PAX3: variants seen among roughly 807,000 people sequenced by gnomAD.
PAX3 encodes paired box 3.
In PAX3, 14 loss-of-function variants were observed where a neutral mutation model predicts 51.6. That is an observed-to-expected ratio of 0.27 (90% CI 0.18 to 0.42). The LOEUF (loss-of-function observed/expected upper bound fraction) is 0.42. Among genes scored for constraint, PAX3 ranks in the 10% least tolerant of loss-of-function variants. PAX3 has a pLI of 1.00. For missense variants in PAX3, 540 were observed against 642.8 expected, an observed-to-expected ratio of 0.84 and a Z score of 1.73; for synonymous variants, 280 against 253.4, an observed-to-expected ratio of 1.11 and a Z score of -1.00.
intron 5 of PAX3, among the ~76,000 whole-genome samples, chr2:222,229,976 G>T (rs1045665546): frequency 6.6e-6 from 1 of 152,084 alleles, no homozygotes; most frequent in Non-Finnish European, 1.5e-5. Flanking sequence ...TTGCACCTGG[G>T]AGTTCAAGAA....
chr2:222,201,652 G>A (rs1403961372), intron 8 of PAX3: 2 of 1,346,244 alleles, frequency 1.5e-6, no homozygotes, highest in Non-Finnish European at 2.0e-6. Context: ...TTAAGAACAT[G>A]TGTTTCTAAT....
At chr2:222,237,731 G>A (rs1474916615) in intron 4 of PAX3, among the ~76,000 whole-genome samples, 1 of 152,064 alleles carries the variant, frequency 6.6e-6, no homozygotes, top group Admixed American at 6.6e-5. Flanking sequence ...GATATCTAGG[G>A]TCAGTCTGGA....
At chr2:222,244,953 G>A (rs2106116242) in intron 4 of PAX3, among the ~76,000 whole-genome samples, 1 of 152,050 alleles carries the variant, frequency 6.6e-6, no homozygotes, top group East Asian at 1.9e-4. Flanking sequence ...TATGAAACCA[G>A]CCTGGCCAAT....
chr2:222,284,640 T>C (rs897853283), intron 4 of PAX3, among the ~76,000 whole-genome samples: 5 of 145,950 alleles, frequency 3.4e-5, no homozygotes, highest in East Asian at 4.1e-4. Flanking sequence ...TGTGTGTGTG[T>C]GTTTGGTCTT....
intron 4 of PAX3, among the ~76,000 whole-genome samples, chr2:222,291,969 G>GGTGTGTGTGTGTGTGTGTGTGT (rs3997675): frequency 5.2e-5 from 7 of 133,642 alleles, no homozygotes; most frequent in African/African-American, 2.0e-4. Flanking sequence ...CAGCCTCCAA[G>GGTGTGTGTGTGTGTGTGTGTGT]GTGTGTGTGT....
chr2:222,298,126 C>A, intron 1 of PAX3: 1 of 200,110 alleles, frequency 5.0e-6, no homozygotes, highest in Non-Finnish European at 1.0e-5. Context: ...AAAATACTTC[C>A]TGAACTAACA....
intron 7 of PAX3, among the ~76,000 whole-genome samples, chr2:222,209,367 A>G (rs182910301): frequency 2.7e-4 from 41 of 152,286 alleles, no homozygotes; most frequent in African/African-American, 9.6e-4. Flanking sequence ...AGATAAAGAA[A>G]AGAACCAACT....
chr2:222,261,407 C>T (rs1047953815), intron 4 of PAX3, among the ~76,000 whole-genome samples: 1 of 152,200 alleles, frequency 6.6e-6, no homozygotes, highest in Middle Eastern at 3.4e-3. Flanking sequence ...GAAAAAAAAT[C>T]TAAATACCTA....
In PAX3 at chr2:222,258,363, T is replaced by G. The variant is rs1265261454; in HGVS notation, c.587-26080A>C. ...ATTATTATTACCCATTATTAGATTA[T>G]TAACAGTAAGAACAATTTTCTGATT... is the stretch of plus-strand genomic sequence containing the variant. On this transcript the variant is annotated intron_variant, in intron 4 of 8. Coordinates refer to ENST00000392070, the MANE Select transcript of PAX3 (RefSeq NM_181458.4). 3.3e-5 allele frequency among the ~76,000 whole-genome samples: 5 copies of G among 152,230 alleles called. No individual in the cohort carries two copies. In the East Asian group the frequency reaches 9.6e-4, roughly 29 times the overall value.
chr2:222,259,229 G>A (rs1302351039), intron 4 of PAX3, among the ~76,000 whole-genome samples: 1 of 152,150 alleles, frequency 6.6e-6, no homozygotes, highest in Non-Finnish European at 1.5e-5. Context: ...ACACACGGAA[G>A]CAACTAACAC....
intron 2 of PAX3, among the ~76,000 whole-genome samples, chr2:222,296,173 G>T (rs1003886714): frequency 2.6e-5 from 4 of 152,218 alleles, no homozygotes; most frequent in Non-Finnish European, 4.4e-5. Context: ...AAGAGAGACT[G>T]ACTCTTCTCT....
intron 7 of PAX3, among the ~76,000 whole-genome samples, chr2:222,217,502 G>A (rs1692010548): frequency 6.6e-6 from 1 of 152,164 alleles, no homozygotes; most frequent in South Asian, 2.1e-4. Context: ...CTGGCAGAAG[G>A]TGACAATCAT....
At chr2:222,289,577 C>A (rs1221928489) in intron 4 of PAX3, among the ~76,000 whole-genome samples, 6 of 152,124 alleles carry the variant, frequency 3.9e-5, no homozygotes, top group African/African-American at 1.4e-4. Context: ...CCGGTGCTAT[C>A]AACAATCAAA....
intron 7 of PAX3, among the ~76,000 whole-genome samples, chr2:222,218,317 T>A (rs1692047143): frequency 6.6e-6 from 1 of 152,192 alleles, no homozygotes; most frequent in East Asian, 1.9e-4. Flanking sequence ...GTGATACTTA[T>A]ATAATACAAA....
intron 4 of PAX3, among the ~76,000 whole-genome samples, chr2:222,245,441 T>A (rs1693188681): frequency 6.6e-6 from 1 of 152,230 alleles, no homozygotes; most frequent in African/African-American, 2.4e-5. Context: ...TTTTTATTAG[T>A]GTCCACAACC....
At chr2:222,201,527 A>C in intron 8 of PAX3, 85 bp from the exon 9 acceptor site, 1 of 1,533,582 alleles carries the variant, frequency 6.5e-7, no homozygotes. Flanking sequence ...TGACAATGTC[A>C]TATTTAATAC....
At chr2:222,252,918 T>A (rs894264774) in intron 4 of PAX3, among the ~76,000 whole-genome samples, 9 of 152,192 alleles carry the variant, frequency 5.9e-5, no homozygotes, top group Non-Finnish European at 1.3e-4. Flanking sequence ...AGCTTACTGA[T>A]GATCATTGCT....
chr2:222,294,363 C>T (rs1446513540), intron 3 of PAX3, 62 bp from the exon 4 acceptor site: 6 of 1,588,824 alleles, frequency 3.8e-6, no homozygotes, highest in Non-Finnish European at 4.3e-6. Flanking sequence ...CAGGGCTGTG[C>T]GGGAAGGACC....
chr2:222,251,091 TTTTATTTA>T (rs61280457), intron 4 of PAX3, among the ~76,000 whole-genome samples: 1 of 151,712 alleles, frequency 6.6e-6, no homozygotes, highest in African/African-American at 2.4e-5. Flanking sequence ...CACAATACAT[TTTTATTTA>T]TTTATTTATT....
Sources: gnomAD v4.1 joint callset for allele counts (sites outside exome capture counted in the v4.1 genomes callset) on GRCh38, gnomAD v4.1.1 for gene constraint, MANE v1.5 for transcripts, NCBI Gene and HGNC (gene_info 2026-07-23, HGNC 2026-07-21) for gene names.